The following RAB10 variants were observed in gnomAD, a reference collection of about 807,000 sequenced individuals.
The protein encoded by RAB10 is ras-related protein Rab-10.
A neutral mutation model predicts 25.7 loss-of-function variants in RAB10; 5 were observed. The ratio of observed to expected loss-of-function variants is 0.19; its 90% CI spans 0.10 to 0.41. The LOEUF (loss-of-function observed/expected upper bound fraction) is 0.41, where lower values mean the gene tolerates loss of function less well. Among genes scored for constraint, RAB10 ranks in the 10% least tolerant of loss-of-function variants. The probability of loss-of-function intolerance (pLI) is 1.00; values close to 1 mark genes in which losing one functional copy is unlikely to be tolerated. For synonymous variants in RAB10, 89 were observed against 86.4 expected, an observed-to-expected ratio of 1.03 and a Z score of -0.16; for missense variants, 103 against 245.8, an observed-to-expected ratio of 0.42 and a Z score of 3.89.
At chr2:26,035,766 C>G (rs998541456) in intron 1 of RAB10, among the ~76,000 whole-genome samples, 1 of 152,090 alleles carries the variant, frequency 6.6e-6, no homozygotes, top group Non-Finnish European at 1.5e-5. Flanking sequence ...TAAAAAGCAA[C>G]GGCAGTCGTC....
chr2:26,108,230 A>C (rs1176840225), intron 2 of RAB10, among the ~76,000 whole-genome samples: 2 of 152,226 alleles, frequency 1.3e-5, no homozygotes, highest in African/African-American at 4.8e-5. Flanking sequence ...TGTTATAGCC[A>C]AAAACTGGAA....
chr2:26,109,707 C>T, intron 2 of RAB10, 61 bp from the exon 3 acceptor site: 3 of 1,425,804 alleles, frequency 2.1e-6, no homozygotes, highest in South Asian at 1.7e-5. Flanking sequence ...TTGTTTTGTC[C>T]TTTATGTGAA....
intron 2 of RAB10, among the ~76,000 whole-genome samples, chr2:26,102,920 T>G (rs559298867): frequency 6.6e-6 from 1 of 152,374 alleles, no homozygotes; most frequent in African/African-American, 2.4e-5. Flanking sequence ...AGAGCATCTG[T>G]CTGCAAAGAT....
At chr2:26,051,431 G>T (rs1378006540) in intron 1 of RAB10, among the ~76,000 whole-genome samples, 7 of 119,862 alleles carry the variant, frequency 5.8e-5, no homozygotes, top group Non-Finnish European at 1.1e-4. Context: ...GTTGATTTCA[G>T]ACTGCACATT....
chr2:26,054,495 G>A (rs1666208174), intron 1 of RAB10, among the ~76,000 whole-genome samples: 1 of 152,136 alleles, frequency 6.6e-6, no homozygotes, highest in African/African-American at 2.4e-5. Context: ...TGGCCGGATA[G>A]GGGTGTAATT....
intron 5 of RAB10, among the ~76,000 whole-genome samples, chr2:26,133,215 C>G (rs1668044232): frequency 6.6e-6 from 1 of 151,874 alleles, no homozygotes; most frequent in Non-Finnish European, 1.5e-5. Flanking sequence ...CTACAAAAGC[C>G]CTTAACTTTA....
rs1665719466 is a variant in RAB10, at chr2:26,034,502, C to T, written c.-107C>T. The T allele has an allele frequency of 4.1e-6, 6 of 1,479,554 alleles. No individual in the cohort carries two copies. In the South Asian group the frequency reaches 6.2e-5, roughly 15 times the overall value. The allele number at this position is 1,479,554 out of a possible 1,614,324, so 91.7% of individuals were successfully genotyped here. On this transcript the variant is annotated 5_prime_UTR_variant, in exon 1 of 6. Coordinates refer to ENST00000264710, the MANE Select transcript of RAB10 (RefSeq NM_016131.5). ...CGCCGTCTCGAGCCTTTTTCCCACG[C>T]TTCCCCGGTCCTCCGGCCTGAGAAC...
At chr2:26,033,547 G>A (rs1359905188), upstream of RAB10, among the ~76,000 whole-genome samples, 1 of 152,242 alleles carries the variant, frequency 6.6e-6, no homozygotes, top group Non-Finnish European at 1.5e-5. Flanking sequence ...GCCGGGAGGC[G>A]TCTCGTTCTA....
intron 1 of RAB10, among the ~76,000 whole-genome samples, chr2:26,052,524 T>TG (rs149967341): frequency 1.7e-3 from 263 of 150,472 alleles, no homozygotes; most frequent in African/African-American, 6.2e-3. Context: ...TAATGTTTGT[T>TG]GGTCTTGTTT....
At chr2:26,115,582 G>A (rs1263588413) in intron 3 of RAB10, among the ~76,000 whole-genome samples, 1 of 152,154 alleles carries the variant, frequency 6.6e-6, no homozygotes, top group South Asian at 2.1e-4. Flanking sequence ...TGGGGGTGAT[G>A]TTTGGAGAGA....
intron 5 of RAB10, among the ~76,000 whole-genome samples, chr2:26,128,626 C>A (rs988876443): frequency 7.0e-6 from 1 of 142,770 alleles, no homozygotes; most frequent in Non-Finnish European, 1.5e-5. Context: ...AGAAATGAAT[C>A]TATTAAGTAG....
intron 5 of RAB10, among the ~76,000 whole-genome samples, chr2:26,130,518 A>G (rs1208132213): frequency 6.6e-6 from 1 of 151,518 alleles, no homozygotes; most frequent in Non-Finnish European, 1.5e-5. Context: ...TATGTTGCCC[A>G]GGCTAGATTT....
Position 26,092,261 on chromosome 2 carries a change from CTGTGTGTGTGTGTGTGTGTGTGTGTGTG to C in RAB10, c.128-6367_128-6340del, listed in dbSNP as rs56875863. Among the ~76,000 whole-genome samples the C allele has an allele frequency of 9.1e-3, 1,189 of 130,934 alleles. 8 individuals carry two copies. Among genetic ancestry groups the C allele is most frequent in the Non-Finnish European group, 0.013 (831 of 61,882 alleles). The allele number at this position is 130,934 out of a possible 152,430, so 85.9% of individuals were successfully genotyped here. ...TGGAGATCATTGATCATAGTGAGAGCTGTGTGTGTGTGTGTGTGTGTGTGTGTGTGTGTGTGTGTGTGTGTGTGTGTGT... is the reference window on the plus strand; with the variant it reads ...TGGAGATCATTGATCATAGTGAGAGCTGTGTGTGTGTGTGTGTGTGTGTGT... On this transcript the variant is annotated intron_variant, in intron 1 of 5. Coordinates refer to ENST00000264710, the MANE Select transcript of RAB10 (RefSeq NM_016131.5).
intron 1 of RAB10, among the ~76,000 whole-genome samples, chr2:26,067,257 G>T (rs1423661840): frequency 3.3e-5 from 5 of 152,074 alleles, no homozygotes; most frequent in Non-Finnish European, 5.9e-5. Flanking sequence ...TGAAGTCATT[G>T]TTACCACTTT....
intron 3 of RAB10, among the ~76,000 whole-genome samples, chr2:26,121,676 C>T (rs1667805493): frequency 6.6e-6 from 1 of 152,128 alleles, no homozygotes; most frequent in African/African-American, 2.4e-5. Context: ...ATAAAACATA[C>T]ACAGATCTAT....
At chr2:26,058,100 T>A (rs1284426868) in intron 1 of RAB10, among the ~76,000 whole-genome samples, 1 of 152,230 alleles carries the variant, frequency 6.6e-6, no homozygotes, top group Non-Finnish European at 1.5e-5. Context: ...GTATCCTTGA[T>A]GCCTCCTTCA....
chr2:26,089,776 C>G (rs1274003082), intron 1 of RAB10, among the ~76,000 whole-genome samples: 1 of 152,054 alleles, frequency 6.6e-6, no homozygotes, highest in Non-Finnish European at 1.5e-5. Flanking sequence ...CTTACACCAC[C>G]AGATATTCCT....
intron 1 of RAB10, among the ~76,000 whole-genome samples, chr2:26,075,855 G>A (rs187438262): frequency 3.2e-4 from 48 of 152,108 alleles, no homozygotes; most frequent in Middle Eastern, 6.8e-3. Flanking sequence ...AGGGTTAGGG[G>A]GTGGAAGACA....
intron 3 of RAB10, among the ~76,000 whole-genome samples, chr2:26,110,833 G>A (rs1667554467): frequency 6.6e-6 from 1 of 151,094 alleles, no homozygotes; most frequent in Admixed American, 6.6e-5. Context: ...AGTGTCTTGA[G>A]TAGCTGGAAT....
Sources: gnomAD v4.1 joint callset for allele counts (sites outside exome capture counted in the v4.1 genomes callset) on GRCh38, gnomAD v4.1.1 for gene constraint, MANE v1.5 for transcripts, NCBI Gene and HGNC (gene_info 2026-07-23, HGNC 2026-07-21) for gene names.